SH3TC1: variants seen among roughly 807,000 people sequenced by gnomAD.
SH3TC1 encodes SH3 domain and tetratricopeptide repeats 1, also known as SH3 domain and tetratricopeptide repeat-containing protein 1.
Under a neutral mutation model 117.3 loss-of-function variants are expected in SH3TC1, and 135 were observed. The observed-to-expected ratio is 1.15, with a 90% confidence interval of 1.00 to 1.33. SH3TC1 has a LOEUF of 1.33. Ranked by LOEUF, SH3TC1 falls within the 40% of genes most tolerant of loss-of-function variation. SH3TC1 has a pLI of 0.00. For synonymous variants in SH3TC1, 898 were observed against 816.9 expected (o/e 1.10, Z -1.69); for missense variants, 2,092 against 1,794.3 (o/e 1.17, Z -3.00).
chr4:8,211,290 C>A (rs1279302980), intron 3 of SH3TC1, among the ~76,000 whole-genome samples: 5 of 49,478 alleles, frequency 1.0e-4, no homozygotes, highest in African/African-American at 4.1e-4. Context: ...CCTTCTCCCC[C>A]TCCCGTTTTC....
chr4:8,241,058 A>G lies in SH3TC1; in HGVS notation c.*103A>G. 2 of 1,490,292 alleles carry G rather than the reference A, an allele frequency of 1.3e-6. No homozygotes were observed. Among genetic ancestry groups the G allele is most frequent in the South Asian group, 1.2e-5 (1 of 80,372 alleles). 92.3% of individuals were successfully genotyped at this position (1,490,292 alleles called of 1,614,324 possible). On this transcript the variant is annotated 3_prime_UTR_variant, in exon 18 of 18. Coordinates refer to ENST00000245105, the MANE Select transcript of SH3TC1 (RefSeq NM_018986.5). ...TTCTGGCAAATGGAGGCACGAACGC[A>G]GGGGCCAAATAGCAATAAATGGGTT... is the stretch of plus-strand genomic sequence containing the variant.
rs1037943930 is a variant in SH3TC1 at position 8,232,074 on chromosome 4, G to T, written c.3049G>T (p.Ala1017Ser). The T allele has an allele frequency of 1.2e-6, 2 of 1,613,472 alleles. No homozygotes were observed. The highest frequency in any genetic ancestry group is 1.7e-6 in the Non-Finnish European group (2 of 1,180,010). The change falls in exon 13 of 18, where the codon GCC becomes TCC. Residue 1017 changes from alanine to serine, a missense_variant. Physicochemically the swap from Ala to Ser is moderately conservative, Grantham distance 99. Coordinates refer to ENST00000245105, the MANE Select transcript of SH3TC1 (RefSeq NM_018986.5). ...CTACCATGAGCTCCAGCTCTCCCTG[G>T]CCTGCAAGGTGGCCGACAAGGTGCT... Reference protein sequence around the residue: ...VIYHELQLSLACKVADKVLEG... With the variant: ...VIYHELQLSLSCKVADKVLEG...
chr4:8,221,208 G>A (rs1299586067), intron 9 of SH3TC1, among the ~76,000 whole-genome samples: 1 of 152,220 alleles, frequency 6.6e-6, no homozygotes, highest in Admixed American at 6.5e-5. Context: ...GTCACTGGGG[G>A]CCGTGTGAAG....
Position 8,227,004 on chromosome 4 carries a change from T to C in SH3TC1, c.1310T>C (p.Leu437Pro), listed in dbSNP as rs1281145. The C allele has an allele frequency of 0.99, 1,544,848 of 1,553,016 alleles. 768,709 individuals carry two copies. Among genetic ancestry groups the C allele is most frequent in the East Asian group, 1 (43,948 of 43,950 alleles). ...EKEIPPPCLS[L>P]EPQETLQKVK... is the part of the protein sequence containing the mutation. ...GAAATACCTCCACCTTGCCTGAGCCTGGAGCCACAGGAGACCTTGCAGAAG... is the reference window on the plus strand; with the variant it reads ...GAAATACCTCCACCTTGCCTGAGCCCGGAGCCACAGGAGACCTTGCAGAAG... The change falls in exon 12 of 18, where the codon CTG (leucine) becomes CCG (proline). Residue 437 changes from leucine to proline, a missense_variant. By Grantham distance (98) the Leu-to-Pro change is moderately conservative (BLOSUM62 -3). Coordinates refer to ENST00000245105, the MANE Select transcript of SH3TC1 (RefSeq NM_018986.5).
Position 8,227,512 on chromosome 4 carries a change from C to T in SH3TC1, c.1818C>T (p.Asn606=), listed in dbSNP as rs770532721. The T allele has an allele frequency of 9.7e-6, 15 of 1,550,648 alleles. No individual in the cohort carries two copies. Among genetic ancestry groups the T allele is most frequent in the Non-Finnish European group, 1.2e-5 (14 of 1,154,274 alleles). ...DLFLVVAVYA[N]LASIYRKQKN... is the part of the protein sequence containing the mutation. The stretch of plus-strand genomic sequence containing the variant: ...TCCTAGTGGTGGCTGTGTACGCCAA[C>T]CTGGCCAGCATTTACCGGAAGCAGA... The change falls in exon 12 of 18, where the codon AAC becomes AAT. Residue 606 remains asparagine (N), a synonymous_variant. Transcript: ENST00000245105.
Position 8,205,562 on chromosome 4 carries a change from T to C in SH3TC1, c.172+196T>C, listed in dbSNP as rs767913828. The C allele has an allele frequency of 3.3e-5, 28 of 842,084 alleles. No individual in the cohort carries two copies. The highest frequency in any genetic ancestry group is 5.7e-5 in the Non-Finnish European group (28 of 487,810). The allele number at this position is 842,084 out of a possible 1,614,324, so 52.2% of individuals were successfully genotyped here. A position where few individuals can be genotyped will look rare whatever the true frequency, so the allele number is the denominator to read the frequency against. On this transcript the variant is annotated intron_variant, in intron 2 of 17. Coordinates refer to ENST00000245105, the MANE Select transcript of SH3TC1 (RefSeq NM_018986.5). This position sits in a 1 kb window ranked among gnomAD's most constrained non-coding sequence, Gnocchi z 5.4. ...GAGCCACTGTGCCCGCTGAGTCACT[T>C]GAGAGGCCAGGGCCCAGCTCGTGTT...
chr4:8,233,158 C>A, intron 13 of SH3TC1: 1 of 1,388,764 alleles, frequency 7.2e-7, no homozygotes, highest in Non-Finnish European at 9.3e-7. Context: ...TGCCCAGTTC[C>A]CTCAGAAGGA....
At position 8,227,103 on chromosome 4, in the gene SH3TC1, C is replaced by G; in HGVS notation, c.1409C>G (p.Ala470Gly). 1 of 1,612,602 alleles carries G rather than the reference C, an allele frequency of 6.2e-7. No individual in the cohort carries two copies. The highest frequency in any genetic ancestry group is 8.5e-7 in the Non-Finnish European group (1 of 1,179,704). Residue 470 changes from alanine (A) to glycine (G), a missense_variant, in exon 12 of 18, where the codon GCG becomes GGG. Ala to Gly is a moderately conservative substitution (Grantham distance 60, BLOSUM62 0). Coordinates refer to ENST00000245105, the MANE Select transcript of SH3TC1 (RefSeq NM_018986.5). ...PQEPASWGLC[A>G]ASSDVSLQDP... ...GAGCCAGCGTCCTGGGGTCTCTGTGCGGCATCCAGCGACGTGAGCTTGCAG... is the reference window on the plus strand; with the variant it reads ...GAGCCAGCGTCCTGGGGTCTCTGTGGGGCATCCAGCGACGTGAGCTTGCAG...
In SH3TC1 at chr4:8,232,007, C is replaced by T; in HGVS notation, c.2982C>T (p.His994=). 6.2e-7 allele frequency: 1 copy of T among 1,612,718 alleles called. No individual in the cohort carries two copies. The highest frequency in any genetic ancestry group is 1.3e-5 in the African/African-American group (1 of 75,060). ...SQLRAVQRLC[H]FYSAVMPSEA... ...TGCGGGCCGTCCAGCGGCTGTGCCACTTCTACAGCGCCGTCATGCCCAGCG... is the reference window on the plus strand; with the variant it reads ...TGCGGGCCGTCCAGCGGCTGTGCCATTTCTACAGCGCCGTCATGCCCAGCG... The change falls in exon 13 of 18, where the codon CAC becomes CAT. Residue 994 remains histidine, a synonymous_variant. Transcript: ENST00000245105.
chr4:8,236,682 T>A (rs1721850605), intron 16 of SH3TC1: 1 of 422,514 alleles, frequency 2.4e-6, no homozygotes. Flanking sequence ...GGCTGCCCAG[T>A]GTGCCCTCTG....
intron 5 of SH3TC1, among the ~76,000 whole-genome samples, chr4:8,215,591 G>T (rs1233990418): frequency 6.6e-6 from 1 of 152,198 alleles, no homozygotes; most frequent in Non-Finnish European, 1.5e-5. Context: ...CACATCACTT[G>T]CCTGTGCCTT....
At chr4:8,207,917 T>C (rs899249983) in intron 2 of SH3TC1, among the ~76,000 whole-genome samples, 1 of 152,210 alleles carries the variant, frequency 6.6e-6, no homozygotes, top group Non-Finnish European at 1.5e-5. Context: ...TCAATAGGGA[T>C]GGCACCTTGT....
chr4:8,205,692 C>G lies in SH3TC1; in HGVS notation c.172+326C>G, dbSNP rs760027809. 10 of 727,076 alleles carry G rather than the reference C, an allele frequency of 1.4e-5. No homozygotes were observed. Among genetic ancestry groups the G allele is most frequent in the South Asian group, 9.9e-5 (7 of 70,472 alleles). The allele number at this position is 727,076 out of a possible 1,614,324, so 45.0% of individuals were successfully genotyped here. ...TCCAGAAACAGTCCGATGGGTTTGG[C>G]CTTGGAACCCCTGAGAGTCCTCAGG... On this transcript the variant is annotated intron_variant, in intron 2 of 17. Transcript: ENST00000245105. This position sits in a 1 kb window ranked among gnomAD's most constrained non-coding sequence, Gnocchi z 5.4.
rs767017352 is a variant in SH3TC1 at position 8,227,333 on chromosome 4, CG to C, written c.1645del (p.Ala549ArgfsTer51). 4 of 1,605,328 alleles carry C rather than the reference CG, an allele frequency of 2.5e-6. No individual in the cohort carries two copies. Among genetic ancestry groups the C allele is most frequent in the Non-Finnish European group, 3.4e-6 (4 of 1,176,578 alleles). On this transcript the variant is annotated frameshift_variant, in exon 12 of 18. Coordinates refer to ENST00000245105, the MANE Select transcript of SH3TC1 (RefSeq NM_018986.5). LOFTEE classifies it high-confidence loss of function. ...EELTGRLAQA[R>X]GAAKKAGLLM... is the part of the protein sequence containing the mutation. ...GCTGACTGGGCGCCTGGCACAGGCC[CG>C]GGGGGCGGCCAAGAAAGCTGGCCTC... is the stretch of plus-strand genomic sequence containing the variant.
chr4:8,230,247 C>G (rs1275038082), intron 12 of SH3TC1, among the ~76,000 whole-genome samples: 1 of 152,166 alleles, frequency 6.6e-6, no homozygotes, highest in African/African-American at 2.4e-5. Flanking sequence ...GTCAGGTCAG[C>G]AATAATGTTC....
intron 1 of SH3TC1, among the ~76,000 whole-genome samples, chr4:8,191,307 C>G (rs989981168): frequency 6.6e-6 from 1 of 152,170 alleles, no homozygotes; most frequent in African/African-American, 2.4e-5. Flanking sequence ...CCGGCCAGTT[C>G]GGGGGTGGGT....
chr4:8,238,206 C>T (rs892494055), intron 17 of SH3TC1, among the ~76,000 whole-genome samples: 2 of 152,100 alleles, frequency 1.3e-5, no homozygotes, highest in South Asian at 4.2e-4. Flanking sequence ...CAGGGTGGGG[C>T]GGGGCCGGTG....
intron 5 of SH3TC1, 30 bp from the exon 6 acceptor site, chr4:8,216,081 C>A (rs2152985537): frequency 1.2e-6 from 2 of 1,609,688 alleles, no homozygotes; most frequent in East Asian, 4.5e-5. Flanking sequence ...TCTTCTGGAG[C>A]CCTCGGGTGA....
chr4:8,205,392 C>G lies in SH3TC1; in HGVS notation c.172+26C>G, dbSNP rs370152752. 1 of 1,527,178 alleles carries G rather than the reference C, an allele frequency of 6.5e-7. No homozygotes were observed. The highest frequency in any genetic ancestry group is 8.8e-7 in the Non-Finnish European group (1 of 1,134,586). 94.6% of individuals were successfully genotyped at this position (1,527,178 alleles called of 1,614,324 possible). A position where few individuals can be genotyped will look rare whatever the true frequency, so the allele number is the denominator to read the frequency against. On this transcript the variant is annotated intron_variant, in intron 2 of 17. Coordinates refer to ENST00000245105, the MANE Select transcript of SH3TC1 (RefSeq NM_018986.5). This position sits in a 1 kb window ranked among gnomAD's most constrained non-coding sequence, Gnocchi z 5.4. ...GTGAGTTCATTCCACCCTCACCACC[C>G]GCCCTCCATCCCACCCACTTCTCCA... is the stretch of plus-strand genomic sequence containing the variant.
Sources: allele counts gnomAD v4.1 joint callset (sites outside exome capture counted in the v4.1 genomes callset), GRCh38; gene constraint gnomAD v4.1.1; non-coding constraint Gnocchi (gnomAD v3.1); transcripts MANE v1.5; gene names NCBI Gene and HGNC (gene_info 2026-07-23, HGNC 2026-07-21).